CEP250: variants seen among roughly 807,000 people sequenced by gnomAD.
The protein encoded by CEP250 is centrosomal protein 250, also known as centrosome-associated protein CEP250.
In CEP250, 242 loss-of-function variants were observed where a neutral mutation model predicts 315.7. The ratio of observed to expected loss-of-function variants is 0.77; its 90% CI spans 0.69 to 0.85. The LOEUF (loss-of-function observed/expected upper bound fraction) is 0.85. CEP250 is among the 40% of genes least tolerant of loss of function. The pLI is 0.00. For missense variants in CEP250, 2,515 were observed against 2,886.4 expected (o/e 0.87, Z 2.95); for synonymous variants, 1,088 against 1,175.0 (o/e 0.93, Z 1.51).
chr20:35,475,433 T>G (rs898008243), intron 14 of CEP250, 69 bp from the exon 15 acceptor site: 5 of 1,479,816 alleles, frequency 3.4e-6, no homozygotes, highest in East Asian at 4.6e-5. Context: ...GGTGATTATA[T>G]TCCTGTTACC....
At position 35,502,916 on chromosome 20, in the gene CEP250, A is replaced by T. The variant is rs1568832361; in HGVS notation, c.4547A>T (p.Asp1516Val). ...GAGCAGATCAGAGAGCTCGAGAAGG[A>T]TCGGGAGACTCAGAGGAACGTCTTG... is the stretch of plus-strand genomic sequence containing the variant. ...QREQIRELEK[D>V]RETQRNVLEH... is the part of the protein sequence containing the mutation. Residue 1516 changes from aspartate to valine, a missense_variant, in exon 30 of 35, where the codon GAT becomes GTT. Coordinates refer to ENST00000397527, the MANE Select transcript of CEP250 (RefSeq NM_007186.6). 2.5e-6 allele frequency: 4 copies of T among 1,614,212 alleles called. No homozygotes were observed. Among genetic ancestry groups the T allele is most frequent in the Non-Finnish European group, 3.4e-6 (4 of 1,180,038 alleles).
intron 21 of CEP250, 123 bp downstream of exon 21, chr20:35,490,927 A>T: frequency 8.5e-7 from 1 of 1,182,928 alleles, no homozygotes; most frequent in Non-Finnish European, 1.2e-6. Context: ...GTAGCTACCC[A>T]CTTTGCTAAC....
At chr20:35,455,543 C>G (rs1037021589), upstream of CEP250, 4 of 152,520 alleles carry the variant, frequency 2.6e-5, no homozygotes, top group East Asian at 5.8e-4. Flanking sequence ...TGCCGCCCCC[C>G]CGCCCCTCGC....
At chr20:35,471,243 G>T (rs1272671291) in intron 10 of CEP250, among the ~76,000 whole-genome samples, 1 of 152,062 alleles carries the variant, frequency 6.6e-6, no homozygotes. Flanking sequence ...TACTGCAGGG[G>T]ACACTTGAGC....
intron 22 of CEP250, among the ~76,000 whole-genome samples, chr20:35,491,948 A>G (rs1239112820): frequency 6.6e-6 from 1 of 151,728 alleles, no homozygotes; most frequent in African/African-American, 2.4e-5. Flanking sequence ...CATAACAGAC[A>G]TTGCCCCTGC....
chr20:35,486,024 G>A (rs1243231133), intron 20 of CEP250, among the ~76,000 whole-genome samples: 1 of 149,174 alleles, frequency 6.7e-6, no homozygotes, highest in Non-Finnish European at 1.5e-5. Context: ...GTGAAAGATA[G>A]TGGATTTACT....
At chr20:35,498,167 A>G in intron 26 of CEP250, 100 bp downstream of exon 26, 3 of 902,996 alleles carry the variant, frequency 3.3e-6, no homozygotes, top group East Asian at 2.7e-5. Flanking sequence ...ATATTGCTTC[A>G]GGGTTAAGAT....
intron 24 of CEP250, 87 bp downstream of exon 24, chr20:35,494,744 T>C: frequency 6.7e-7 from 1 of 1,484,078 alleles, no homozygotes; most frequent in Non-Finnish European, 9.2e-7. Context: ...TCAGGCCACC[T>C]TGCCTTTCAT....
chr20:35,490,558 A>T, intron 20 of CEP250, 79 bp from the exon 21 acceptor site: 1 of 1,366,640 alleles, frequency 7.3e-7, no homozygotes, highest in Non-Finnish European at 1.0e-6. Flanking sequence ...TAGTAGAGAG[A>T]CTTTGTTTTT....
chr20:35,457,541 T>A (rs1014067564), intron 1 of CEP250, among the ~76,000 whole-genome samples: 15 of 151,604 alleles, frequency 9.9e-5, no homozygotes, highest in Non-Finnish European at 1.6e-4. Flanking sequence ...TTTTTTTTTT[T>A]AATAGAGATG....
At chr20:35,482,888 T>G (rs1015444593) in intron 20 of CEP250, among the ~76,000 whole-genome samples, 12 of 152,310 alleles carry the variant, frequency 7.9e-5, no homozygotes, top group South Asian at 2.1e-4. Context: ...TGTATTTCTT[T>G]TATTTGGTTG....
At chr20:35,478,332 C>T (rs901297893) in intron 17 of CEP250, among the ~76,000 whole-genome samples, 4 of 152,122 alleles carry the variant, frequency 2.6e-5, no homozygotes, top group East Asian at 3.9e-4. Context: ...TTTAGGAGGC[C>T]GAGGCGGGCG....
chr20:35,509,003 C>G lies in CEP250; in HGVS notation c.6967C>G (p.Leu2323Val), dbSNP rs114152601. The G allele has an allele frequency of 9.6e-6, 15 of 1,559,190 alleles. No individual in the cohort carries two copies. The African/African-American group carries it at 1.8e-4, about 18-fold the overall frequency. ...EAMRAAQAGS[L>V]EISKATASSP... ...CATGCGTGCGGCCCAGGCAGGGTCC[C>G]TAGAGATCAGCAAGGCCACGGCTTC... The change falls in exon 33 of 35, where the codon CTA becomes GTA. Residue 2323 changes from leucine to valine, a missense_variant. By Grantham distance (32) the Leu-to-Val change is conservative. Coordinates refer to ENST00000397527, the MANE Select transcript of CEP250 (RefSeq NM_007186.6).
chr20:35,489,829 T>C (rs982867092), intron 20 of CEP250, among the ~76,000 whole-genome samples: 4 of 152,206 alleles, frequency 2.6e-5, no homozygotes, highest in Non-Finnish European at 4.4e-5. Context: ...ACAGCCAGAA[T>C]TGGCCGCCTC....
At chr20:35,458,876 G>A (rs1601102591) in intron 2 of CEP250, among the ~76,000 whole-genome samples, 1 of 149,940 alleles carries the variant, frequency 6.7e-6, no homozygotes, top group Admixed American at 6.6e-5. Context: ...CAATTTTAGG[G>A]TTACAGAAAA....
In CEP250 at chr20:35,511,808, G is replaced by A; in HGVS notation, c.*182G>A. On this transcript the variant is annotated 3_prime_UTR_variant, in exon 35 of 35. Transcript: ENST00000397527. ...CCTGGGGAGGACCCCAACTCACCTG[G>A]GAATGAGGCAAATTGCATTTGCTTG... 1 of 1,410,090 alleles carries A rather than the reference G, an allele frequency of 7.1e-7. No homozygotes were observed. Among genetic ancestry groups the A allele is most frequent in the Non-Finnish European group, 9.2e-7 (1 of 1,086,294 alleles). The allele number at this position is 1,410,090 out of a possible 1,614,324, so 87.3% of individuals were successfully genotyped here.
chr20:35,457,096 T>C (rs1211628034), intron 1 of CEP250, among the ~76,000 whole-genome samples: 2 of 152,162 alleles, frequency 1.3e-5, no homozygotes, highest in Non-Finnish European at 2.9e-5. Flanking sequence ...TTTTTGCTTT[T>C]TATATAGGTA....
chr20:35,511,690 T>C lies in CEP250; in HGVS notation c.*64T>C, dbSNP rs1270505399. 14 of 1,520,904 alleles carry C rather than the reference T, an allele frequency of 9.2e-6. No homozygotes were observed. Among genetic ancestry groups the C allele is most frequent in the Non-Finnish European group, 1.2e-5 (14 of 1,133,180 alleles). 94.2% of individuals were successfully genotyped at this position (1,520,904 alleles called of 1,614,324 possible). The stretch of plus-strand genomic sequence containing the variant: ...ATGGGTCATGGCCCCTCCGCACACC[T>C]ACAGGTTTGCCAAAGGAAAAGCCTG... On this transcript the variant is annotated 3_prime_UTR_variant, in exon 35 of 35. Coordinates refer to ENST00000397527, the MANE Select transcript of CEP250 (RefSeq NM_007186.6).
chr20:35,515,095 AGTCGGAGCTCGGG>A lies in CEP250; in HGVS notation c.*3473_*3485del, dbSNP rs2064422032. The A allele has an allele frequency of 1.3e-5, 2 of 152,352 alleles. No homozygotes were observed. The highest frequency in any genetic ancestry group is 4.1e-4 in the South Asian group (2 of 4,834). The allele number at this position is 152,352 out of a possible 1,614,324, so 9.4% of individuals were successfully genotyped here. A position where few individuals can be genotyped will look rare whatever the true frequency, so the allele number is the denominator to read the frequency against. On this transcript the variant is annotated 3_prime_UTR_variant, in exon 35 of 35. Transcript: ENST00000397527. Reference sequence around the variant, plus strand: ...AATACGCATGGCCCAGGACTGGCAGAGTCGGAGCTCGGGGTCTAGCTGTGACCTGGGGATCGGT... The same window carrying A: ...AATACGCATGGCCCAGGACTGGCAGAGTCTAGCTGTGACCTGGGGATCGGT...
Sources: gnomAD v4.1 joint callset for allele counts (sites outside exome capture counted in the v4.1 genomes callset) on GRCh38, gnomAD v4.1.1 for gene constraint, MANE v1.5 for transcripts, NCBI Gene and HGNC (gene_info 2026-07-23, HGNC 2026-07-21) for gene names.